The following TBC1D14 variants were observed in gnomAD, a reference collection of about 807,000 sequenced individuals.
The protein encoded by TBC1D14 is TBC1 domain family, member 14.
TBC1D14 carries 26 observed loss-of-function variants against 79.0 expected under a neutral mutation model. The ratio of observed to expected loss-of-function variants is 0.33; its 90% CI spans 0.24 to 0.46. The LOEUF is 0.46. TBC1D14 is among the 20% of genes least tolerant of loss of function. The probability of loss-of-function intolerance (pLI) is 1.00; values close to 1 mark genes in which losing one functional copy is unlikely to be tolerated. For synonymous variants in TBC1D14, 394 were observed against 349.9 expected (o/e 1.13, Z -1.40); for missense variants, 769 against 887.6 (o/e 0.87, Z 1.70).
intron 7 of TBC1D14, among the ~76,000 whole-genome samples, chr4:7,004,300 G>C (rs527457873): frequency 6.6e-6 from 1 of 152,220 alleles, no homozygotes; most frequent in African/African-American, 2.4e-5. Context: ...AAGCTTCTGC[G>C]TATTCCTGGG....
At chr4:6,955,611 A>C (rs1714559271) in intron 2 of TBC1D14, among the ~76,000 whole-genome samples, 1 of 152,232 alleles carries the variant, frequency 6.6e-6, no homozygotes, top group African/African-American at 2.4e-5. Flanking sequence ...GGAAGTTGCC[A>C]GCAGTTTCTG....
chr4:6,924,746 C>T (rs1193636659), intron 2 of TBC1D14, among the ~76,000 whole-genome samples: 1 of 152,150 alleles, frequency 6.6e-6, no homozygotes, highest in Non-Finnish European at 1.5e-5. Context: ...CCTGGGGGGG[C>T]CGCGCCTTCA....
intron 2 of TBC1D14, chr4:6,954,100 G>A (rs1296710388): frequency 2.2e-5 from 13 of 584,258 alleles, no homozygotes; most frequent in Non-Finnish European, 4.0e-5. Flanking sequence ...CCTGTGACTG[G>A]GGAGGCCCGC....
chr4:7,008,148 A>G (rs1720399136), intron 9 of TBC1D14, among the ~76,000 whole-genome samples: 1 of 152,200 alleles, frequency 6.6e-6, no homozygotes, highest in Non-Finnish European at 1.5e-5. Context: ...CGTAATTTGA[A>G]ACTGAAAGAC....
At chr4:6,999,579 C>T (rs972338699) in intron 6 of TBC1D14, among the ~76,000 whole-genome samples, 1 of 152,088 alleles carries the variant, frequency 6.6e-6, no homozygotes, top group African/African-American at 2.4e-5. Flanking sequence ...GGATGCCTCT[C>T]CTCCACTTGG....
chr4:7,007,889 C>T (rs767184480), intron 9 of TBC1D14, among the ~76,000 whole-genome samples: 15 of 152,228 alleles, frequency 9.9e-5, no homozygotes, highest in Admixed American at 2.6e-4. Flanking sequence ...CCTCCACCCA[C>T]GGTTCACGTG....
chr4:6,930,717 G>A (rs1711641214), intron 2 of TBC1D14, among the ~76,000 whole-genome samples: 1 of 151,538 alleles, frequency 6.6e-6, no homozygotes, highest in Non-Finnish European at 1.5e-5. Flanking sequence ...AGAATGGCTT[G>A]AATCTGAGAG....
intron 2 of TBC1D14, among the ~76,000 whole-genome samples, chr4:6,928,553 C>T (rs968116617): frequency 1.3e-5 from 2 of 152,078 alleles, no homozygotes; most frequent in African/African-American, 4.8e-5. Context: ...TATGAGGGGG[C>T]CGGGTGCGGT....
At chr4:6,933,270 TCCCCTC>T (rs1452163124) in intron 2 of TBC1D14, among the ~76,000 whole-genome samples, 1 of 2,534 alleles carries the variant, frequency 3.9e-4, no homozygotes, top group Non-Finnish European at 8.1e-4. Flanking sequence ...TCCCCTCCCT[TCCCCTC>T]CCCCTTCCCC....
intron 3 of TBC1D14, among the ~76,000 whole-genome samples, chr4:6,973,751 C>A (rs1018032403): frequency 1.3e-5 from 2 of 152,154 alleles, no homozygotes; most frequent in African/African-American, 4.8e-5. Context: ...AAGCTCTGTA[C>A]TTCTGACTTG....
chr4:6,952,733 C>T (rs989905239), intron 2 of TBC1D14, among the ~76,000 whole-genome samples: 2 of 152,102 alleles, frequency 1.3e-5, no homozygotes, highest in Non-Finnish European at 1.5e-5. Context: ...CTGGCTGGGG[C>T]TTGAGGAGGA....
chr4:6,995,356 C>A (rs1163262602), intron 4 of TBC1D14: 1 of 152,146 alleles, frequency 6.6e-6, no homozygotes, highest in Non-Finnish European at 1.5e-5. Context: ...TGCCCTGCCT[C>A]AAGAATTAGG....
rs772350082 is a variant in TBC1D14, at chr4:7,014,511, C to T, written c.1711C>T (p.His571Tyr). ...FEENLPKLFA[H>Y]FKKNNLTPDI... is the part of the protein sequence containing the mutation. Reference sequence around the variant, plus strand: ...AGAAAATTTGCCGAAATTATTTGCGCATTTCAAGAAGAACAACCTAACTCC... The same window carrying T: ...AGAAAATTTGCCGAAATTATTTGCGTATTTCAAGAAGAACAACCTAACTCC... The change falls in exon 12 of 14, where the codon CAT becomes TAT. Residue 571 changes from histidine to tyrosine, a missense_variant. Transcript: ENST00000409757. The T allele has an allele frequency of 8.1e-6, 13 of 1,613,896 alleles. No individual in the cohort carries two copies. Among genetic ancestry groups the T allele is most frequent in the Non-Finnish European group, 1.1e-5 (13 of 1,179,952 alleles).
chr4:6,943,575 C>T (rs1310251955), intron 2 of TBC1D14, among the ~76,000 whole-genome samples: 3 of 152,202 alleles, frequency 2.0e-5, no homozygotes, highest in East Asian at 1.9e-4. Context: ...CTGCCTCTCC[C>T]GGGCAAATTC....
chr4:6,980,449 A>G (rs1050686226), intron 3 of TBC1D14, among the ~76,000 whole-genome samples: 1 of 152,208 alleles, frequency 6.6e-6, no homozygotes, highest in African/African-American at 2.4e-5. Context: ...TCAGATCAGT[A>G]ATCAAAGTTT....
At chr4:7,008,757 C>A (rs1720463976) in intron 9 of TBC1D14, among the ~76,000 whole-genome samples, 1 of 152,200 alleles carries the variant, frequency 6.6e-6, no homozygotes, top group African/African-American at 2.4e-5. Flanking sequence ...CATTTAGCAC[C>A]AAAGTGAGAT....
intron 12 of TBC1D14, among the ~76,000 whole-genome samples, chr4:7,018,592 G>C (rs961879034): frequency 8.5e-5 from 13 of 152,164 alleles, no homozygotes; most frequent in African/African-American, 2.7e-4. Flanking sequence ...CACCTTCCTC[G>C]GTCCCTTTTC....
chr4:6,996,197 G>A lies in TBC1D14; in HGVS notation c.963-128G>A, dbSNP rs557741312. 5 of 705,752 alleles carry A rather than the reference G, an allele frequency of 7.1e-6. No individual in the cohort carries two copies. In the South Asian group the frequency reaches 8.3e-5, roughly 12 times the overall value. 43.7% of individuals were successfully genotyped at this position (705,752 alleles called of 1,614,324 possible). A position where few individuals can be genotyped will look rare whatever the true frequency, so the allele number is the denominator to read the frequency against. ...TTATAAAAGTTTGTGAAAGAACTGT[G>A]TAATCTTAAAAAAATGAGTTTTTAG... is the stretch of plus-strand genomic sequence containing the variant. On this transcript the variant is annotated intron_variant, in intron 4 of 13. Coordinates refer to ENST00000409757, the MANE Select transcript of TBC1D14 (RefSeq NM_020773.3).
intron 12 of TBC1D14, among the ~76,000 whole-genome samples, chr4:7,017,717 A>G (rs375034540): frequency 4.6e-5 from 7 of 152,346 alleles, no homozygotes; most frequent in South Asian, 4.1e-4. Flanking sequence ...ACTGTGTTCT[A>G]GAATAAGCAC....
Sources: allele counts gnomAD v4.1 joint callset (sites outside exome capture counted in the v4.1 genomes callset), GRCh38; gene constraint gnomAD v4.1.1; transcripts MANE v1.5; gene names NCBI Gene and HGNC (gene_info 2026-07-23, HGNC 2026-07-21).